The following KIF1B variants were observed in gnomAD, a reference collection of about 807,000 sequenced individuals.
KIF1B encodes the protein kinesin family member 1B.
In KIF1B, 76 loss-of-function variants were observed where a neutral mutation model predicts 241.9. The observed-to-expected ratio is 0.31, with a 90% CI of 0.26 to 0.38. The LOEUF (loss-of-function observed/expected upper bound fraction) is 0.38. Among genes scored for constraint, KIF1B ranks in the 10% least tolerant of loss-of-function variants. The pLI is 1.00. For missense variants in KIF1B, 1,622 were observed against 2,271.4 expected (o/e 0.71, Z 5.81); for synonymous variants, 750 against 796.7 (o/e 0.94, Z 0.99).
chr1:10,380,222 G>A lies in KIF1B; in HGVS notation c.*3635G>A. 4.7e-6 allele frequency: 1 copy of A among 212,960 alleles called. No individual in the cohort carries two copies. The highest frequency in any genetic ancestry group is 9.5e-6 in the Non-Finnish European group (1 of 104,914). The allele number at this position is 212,960 out of a possible 1,614,324, so 13.2% of individuals were successfully genotyped here. A position where few individuals can be genotyped will look rare whatever the true frequency, so the allele number is the denominator to read the frequency against. ...TGTCAGGTCTATGTATATTTATCCAGCTATACTTACTTGCACAGTGGATTG... is the reference window on the plus strand; with the variant it reads ...TGTCAGGTCTATGTATATTTATCCAACTATACTTACTTGCACAGTGGATTG... On this transcript the variant is annotated 3_prime_UTR_variant, in exon 49 of 49. Transcript: ENST00000676179.
chr1:10,304,934 T>A (rs1223260777), intron 22 of KIF1B: 8 of 1,237,744 alleles, frequency 6.5e-6, no homozygotes, highest in Non-Finnish European at 8.1e-6. Flanking sequence ...TTACACAGAC[T>A]TGTCCCATCT....
At chr1:10,345,322 C>T (rs191396306) in intron 34 of KIF1B, among the ~76,000 whole-genome samples, 30 of 152,286 alleles carry the variant, frequency 2.0e-4, no homozygotes, top group Admixed American at 7.2e-4. Context: ...AGAACTTTGT[C>T]TTTCCCTTAG....
chr1:10,304,145 A>G (rs1297533958), intron 22 of KIF1B: 2 of 1,614,166 alleles, frequency 1.2e-6, no homozygotes, highest in Admixed American at 1.7e-5. Flanking sequence ...GAGGTTATAG[A>G]GCTTAGGATT....
At chr1:10,352,049 A>T (rs535829415) in intron 37 of KIF1B, among the ~76,000 whole-genome samples, 1 of 147,696 alleles carries the variant, frequency 6.8e-6, no homozygotes, top group African/African-American at 2.7e-5. Flanking sequence ...AGTGGAATGG[A>T]TTGGAACGGG....
At chr1:10,328,222 T>G (rs1252309118) in intron 27 of KIF1B, among the ~76,000 whole-genome samples, 1 of 152,030 alleles carries the variant, frequency 6.6e-6, no homozygotes, top group Admixed American at 6.6e-5. Flanking sequence ...AAAACAGAAT[T>G]TGTAGTATGG....
chr1:10,357,027 G>C (rs774005159), intron 38 of KIF1B, among the ~76,000 whole-genome samples: 2 of 152,084 alleles, frequency 1.3e-5, no homozygotes, highest in Admixed American at 1.3e-4. Context: ...CTCCAGACAC[G>C]TGCCACCATG....
In KIF1B at chr1:10,325,005, A is replaced by G. The variant is rs1004769995; in HGVS notation, c.2675+110A>G. On this transcript the variant is annotated intron_variant, in intron 26 of 48. Transcript: ENST00000676179. ...TAAGAGGAAAAAAAAAGGTGTAAAA[A>G]GGCCTTATCTATAATCTTATCCACT... is the stretch of plus-strand genomic sequence containing the variant. The G allele has an allele frequency of 6.4e-6, 8 of 1,246,046 alleles. No homozygotes were observed. In the African/African-American group the frequency reaches 7.4e-5, roughly 12 times the overall value. The allele number at this position is 1,246,046 out of a possible 1,614,324, so 77.2% of individuals were successfully genotyped here.
rs1176734474 is a variant in KIF1B at position 10,215,161 on chromosome 1, TATATA to T, written c.-80+4284_-80+4288del. 4.7e-3 allele frequency among the ~76,000 whole-genome samples: 338 copies of T among 72,026 alleles called. 4 individuals are homozygous for T. Among genetic ancestry groups the T allele is most frequent in the Non-Finnish European group, 7.2e-3 (295 of 40,740 alleles). The allele number at this position is 72,026 out of a possible 152,430, so 47.3% of individuals were successfully genotyped here. A position where few individuals can be genotyped will look rare whatever the true frequency, so the allele number is the denominator to read the frequency against. On this transcript the variant is annotated intron_variant, in intron 1 of 48. Transcript: ENST00000676179. ...TTTTATATATATATATATATATATA[TATATA>T]TATATATTTTTTTTTTTTTTTTTTT...
intron 22 of KIF1B, chr1:10,307,829 A>G (rs1650904155): frequency 9.6e-7 from 1 of 1,042,600 alleles, no homozygotes; most frequent in Admixed American, 5.6e-5. Flanking sequence ...ACAAAGCGGA[A>G]TGGTATTCCT....
intron 2 of KIF1B, among the ~76,000 whole-genome samples, chr1:10,247,244 T>G (rs1404442939): frequency 6.6e-6 from 1 of 152,242 alleles, no homozygotes; most frequent in African/African-American, 2.4e-5. Context: ...GCTAGCTATC[T>G]GATTTCACAT....
At chr1:10,249,005 C>A (rs1557663649) in intron 2 of KIF1B, among the ~76,000 whole-genome samples, 3 of 152,150 alleles carry the variant, frequency 2.0e-5, no homozygotes, top group Admixed American at 2.0e-4. Flanking sequence ...GTCTATAATA[C>A]TTTTAAAAGA....
intron 23 of KIF1B, among the ~76,000 whole-genome samples, chr1:10,321,357 G>T (rs1651517071): frequency 6.6e-6 from 1 of 152,098 alleles, no homozygotes; most frequent in Non-Finnish European, 1.5e-5. Flanking sequence ...GCCTACCTCT[G>T]CCTTCCAAAG....
intron 22 of KIF1B, chr1:10,305,940 C>A: frequency 9.5e-7 from 1 of 1,054,292 alleles, no homozygotes; most frequent in Non-Finnish European, 1.1e-6. Flanking sequence ...CACATGAAAT[C>A]ATCTATCAAA....
intron 2 of KIF1B, among the ~76,000 whole-genome samples, chr1:10,252,258 G>C (rs568459511): frequency 3.3e-5 from 5 of 149,930 alleles, no homozygotes; most frequent in Admixed American, 6.7e-5. Context: ...CAGGCTGGTC[G>C]CAAACTCCTG....
At chr1:10,288,882 T>C (rs1265762395) in intron 15 of KIF1B, among the ~76,000 whole-genome samples, 3 of 152,208 alleles carry the variant, frequency 2.0e-5, no homozygotes, top group South Asian at 2.1e-4. Flanking sequence ...TCATGTAATA[T>C]TCTGGAAGTC....
At chr1:10,344,591 A>G (rs1257027494) in intron 34 of KIF1B, among the ~76,000 whole-genome samples, 2 of 152,146 alleles carry the variant, frequency 1.3e-5, no homozygotes, top group Non-Finnish European at 2.9e-5. Context: ...GTTTGTTAGA[A>G]TACTTCTGGT....
chr1:10,376,528 C>T lies in KIF1B; in HGVS notation c.5409-17C>T, dbSNP rs1273540163. 2.5e-6 allele frequency: 4 copies of T among 1,613,698 alleles called. No individual in the cohort carries two copies. On this transcript the variant is annotated splice_polypyrimidine_tract_variant and intron_variant, in intron 48 of 48. Transcript: ENST00000676179. ...TACCCAGACTTCTAATCCTACCTCCCCGTTTGTCCCCCATAGGTCAAAGCT... is the reference window on the plus strand; with the variant it reads ...TACCCAGACTTCTAATCCTACCTCCTCGTTTGTCCCCCATAGGTCAAAGCT...
At chr1:10,216,004 G>T (rs896827541) in intron 1 of KIF1B, among the ~76,000 whole-genome samples, 2 of 152,160 alleles carry the variant, frequency 1.3e-5, no homozygotes, top group African/African-American at 4.8e-5. Context: ...CACTTTCTGT[G>T]TGCCAGGCTT....
intron 22 of KIF1B, chr1:10,304,318 C>A: frequency 5.6e-6 from 9 of 1,614,214 alleles, no homozygotes; most frequent in Non-Finnish European, 7.6e-6. Flanking sequence ...GCAACAGCCA[C>A]CTCAACTACG....
Sources: gnomAD v4.1 joint callset for allele counts (sites outside exome capture counted in the v4.1 genomes callset) on GRCh38, gnomAD v4.1.1 for gene constraint, MANE v1.5 for transcripts, NCBI Gene and HGNC (gene_info 2026-07-23, HGNC 2026-07-21) for gene names.